ANKRD12: variants seen among roughly 807,000 people sequenced by gnomAD.
The protein encoded by ANKRD12 is ankyrin repeat domain 12.
In ANKRD12, 85 loss-of-function variants were observed where a neutral mutation model predicts 183.4. The observed-to-expected ratio is 0.46, with a 90% CI of 0.39 to 0.56. The LOEUF (loss-of-function observed/expected upper bound fraction) is 0.56. Among genes scored for constraint, ANKRD12 ranks in the 20% least tolerant of loss-of-function variants. ANKRD12 has a pLI of 0.00. For missense variants in ANKRD12, 2,405 were observed against 2,357.1 expected, an observed-to-expected ratio of 1.02 and a Z score of -0.42; for synonymous variants, 914 against 800.2, an observed-to-expected ratio of 1.14 and a Z score of -2.40.
intron 1 of ANKRD12, among the ~76,000 whole-genome samples, chr18:9,143,083 C>T (rs2078373587): frequency 1.3e-5 from 2 of 152,168 alleles, no homozygotes; most frequent in Admixed American, 6.5e-5. Context: ...GTTTAATTCT[C>T]ACTACTTGGA....
chr18:9,192,903 C>T (rs1598507758), intron 2 of ANKRD12, among the ~76,000 whole-genome samples: 2 of 151,862 alleles, frequency 1.3e-5, no homozygotes, highest in African/African-American at 4.8e-5. Flanking sequence ...AGGATGGTTT[C>T]AAACTCCTGT....
intron 2 of ANKRD12, among the ~76,000 whole-genome samples, chr18:9,191,479 G>GT (rs531959407): frequency 4.2e-4 from 63 of 149,124 alleles, no homozygotes; most frequent in South Asian, 8.5e-4. Context: ...TATCACATAG[G>GT]TTTTTTTTTT....
intron 8 of ANKRD12, among the ~76,000 whole-genome samples, chr18:9,247,271 G>A (rs2038016208): frequency 6.6e-6 from 1 of 150,500 alleles, no homozygotes; most frequent in Non-Finnish European, 1.5e-5. Flanking sequence ...TTGAGGCCTC[G>A]AGTTTGAGAC....
At chr18:9,157,581 G>GTATATATATATATATATATATA (rs1221750938) in intron 1 of ANKRD12, among the ~76,000 whole-genome samples, 2 of 109,346 alleles carry the variant, frequency 1.8e-5, no homozygotes, top group Non-Finnish European at 3.5e-5. Context: ...GTGTGTGTGT[G>GTATATATATATATATATATATA]TGTGTATATA....
At chr18:9,182,110 T>C (rs374148785) in intron 1 of ANKRD12, among the ~76,000 whole-genome samples, 1 of 152,336 alleles carries the variant, frequency 6.6e-6, no homozygotes, top group East Asian at 1.9e-4. Flanking sequence ...GAGAAACGTT[T>C]TGTCACTGCT....
chr18:9,157,992 A>G (rs1333847089), intron 1 of ANKRD12, among the ~76,000 whole-genome samples: 1 of 152,168 alleles, frequency 6.6e-6, no homozygotes, highest in East Asian at 1.9e-4. Flanking sequence ...AGGTAGAGAT[A>G]AAGGCTGTGA....
At chr18:9,140,784 A>G (rs1443258510) in intron 1 of ANKRD12, among the ~76,000 whole-genome samples, 2 of 152,200 alleles carry the variant, frequency 1.3e-5, no homozygotes, top group Admixed American at 6.5e-5. Flanking sequence ...TCAGTATTGT[A>G]GTATTACATA....
intron 1 of ANKRD12, among the ~76,000 whole-genome samples, chr18:9,175,283 A>G (rs1350714625): frequency 3.3e-5 from 5 of 152,158 alleles, no homozygotes; most frequent in African/African-American, 1.2e-4. Context: ...TGTTTGTAGC[A>G]TTCAGATATG....
chr18:9,199,125 T>A (rs1337440073), intron 3 of ANKRD12, among the ~76,000 whole-genome samples: 3 of 151,932 alleles, frequency 2.0e-5, no homozygotes, highest in Non-Finnish European at 2.9e-5. Flanking sequence ...AGACCCTATA[T>A]CTATAAGAAA....
chr18:9,257,672 C>A lies in ANKRD12; in HGVS notation c.4405C>A (p.Arg1469Ser). 3 of 1,613,974 alleles carry A rather than the reference C, an allele frequency of 1.9e-6. No individual in the cohort carries two copies. The highest frequency in any genetic ancestry group is 2.5e-6 in the Non-Finnish European group (3 of 1,179,954). ...LKENADFLSL[R>S]QTELPGNSCA... The stretch of plus-strand genomic sequence containing the variant: ...AGAAAATGCTGATTTTTTATCCCTG[C>A]GCCAGACTGAACTGCCAGGAAACTC... Residue 1469 changes from arginine to serine, a missense_variant, in exon 9 of 13, where the codon CGC (arginine) becomes AGC (serine). Arg to Ser is a moderately radical substitution (Grantham distance 110). This residue lies in a region of ANKRD12 where 1,983 missense variants were observed against 1,725.9 expected (regional missense o/e 1.15). Coordinates refer to ENST00000262126, the MANE Select transcript of ANKRD12 (RefSeq NM_015208.5).
intron 9 of ANKRD12, among the ~76,000 whole-genome samples, chr18:9,262,169 T>G (rs1050110366): frequency 6.6e-6 from 1 of 152,202 alleles, no homozygotes; most frequent in African/African-American, 2.4e-5. Flanking sequence ...GAGCCAGGTG[T>G]GATTTTTGTC....
chr18:9,216,949 T>G, intron 7 of ANKRD12, 49 bp downstream of exon 7: 1 of 1,558,088 alleles, frequency 6.4e-7, no homozygotes, highest in Non-Finnish European at 8.8e-7. Flanking sequence ...AAAATATAAA[T>G]TCAACCCAAA....
chr18:9,195,506 T>G (rs775643125), intron 2 of ANKRD12, 45 bp from the exon 3 acceptor site: 1 of 1,461,030 alleles, frequency 6.8e-7, no homozygotes, highest in Non-Finnish European at 9.2e-7. Flanking sequence ...ACTGTATTGC[T>G]TAGCTAATAT....
chr18:9,152,457 C>G (rs2078713803), intron 1 of ANKRD12, among the ~76,000 whole-genome samples: 1 of 152,098 alleles, frequency 6.6e-6, no homozygotes, highest in African/African-American at 2.4e-5. Context: ...ATCTACCAGC[C>G]TGGGTTTATA....
intron 1 of ANKRD12, among the ~76,000 whole-genome samples, chr18:9,180,349 T>C (rs1360159518): frequency 6.6e-6 from 1 of 152,196 alleles, no homozygotes; most frequent in Non-Finnish European, 1.5e-5. Flanking sequence ...ACCTACCTAT[T>C]ATTATATTTG....
intron 2 of ANKRD12, among the ~76,000 whole-genome samples, chr18:9,192,748 C>G (rs976447366): frequency 6.6e-6 from 1 of 151,846 alleles, no homozygotes; most frequent in African/African-American, 2.4e-5. Flanking sequence ...GCTCTGTCAC[C>G]CAGCCTGGAA....
intron 2 of ANKRD12, among the ~76,000 whole-genome samples, chr18:9,187,038 G>A (rs2034130295): frequency 6.6e-6 from 1 of 152,184 alleles, no homozygotes; most frequent in South Asian, 2.1e-4. Context: ...TGGGATTACA[G>A]GCGTGAGCCA....
At chr18:9,149,671 A>G (rs1372600225) in intron 1 of ANKRD12, among the ~76,000 whole-genome samples, 2 of 152,146 alleles carry the variant, frequency 1.3e-5, no homozygotes, top group African/African-American at 4.8e-5. Flanking sequence ...ATTTCAGGCA[A>G]TTGGACTATC....
At chr18:9,205,238 G>A (rs1287474396) in intron 4 of ANKRD12, among the ~76,000 whole-genome samples, 1 of 133,878 alleles carries the variant, frequency 7.5e-6, no homozygotes, top group African/African-American at 2.9e-5. Flanking sequence ...TCTCTAGTAT[G>A]TGACAGCTAA....
Sources: gnomAD v4.1 joint callset for allele counts (sites outside exome capture counted in the v4.1 genomes callset) on GRCh38, gnomAD v4.1.1 for gene constraint, gnomAD v4.1.1 regional missense constraint, MANE v1.5 for transcripts, NCBI Gene and HGNC (gene_info 2026-07-23, HGNC 2026-07-21) for gene names.